NR3C2: variants seen among roughly 807,000 people sequenced by gnomAD.
The protein encoded by NR3C2 is mineralocorticoid receptor.
NR3C2 carries 15 observed loss-of-function variants against 86.4 expected under a neutral mutation model. The ratio of observed to expected loss-of-function variants is 0.17; its 90% CI spans 0.12 to 0.27. The LOEUF (loss-of-function observed/expected upper bound fraction) is 0.27, where lower values mean the gene tolerates loss of function less well. NR3C2 is among the 10% of genes least tolerant of loss of function. The probability of loss-of-function intolerance (pLI) is 1.00; values close to 1 mark genes in which losing one functional copy is unlikely to be tolerated. For missense variants in NR3C2, 960 were observed against 1,195.6 expected, an observed-to-expected ratio of 0.80 and a Z score of 2.91; for synonymous variants, 458 against 450.5, an observed-to-expected ratio of 1.02 and a Z score of -0.21.
At chr4:148,441,095 C>A (rs921794130) in intron 1 of NR3C2, among the ~76,000 whole-genome samples, 4 of 152,182 alleles carry the variant, frequency 2.6e-5, no homozygotes, top group African/African-American at 4.8e-5. Flanking sequence ...TGCCCAAGGT[C>A]ACCTGAGAGA....
At chr4:148,297,841 A>G (rs1742136539) in intron 2 of NR3C2, among the ~76,000 whole-genome samples, 2 of 151,484 alleles carry the variant, frequency 1.3e-5, no homozygotes, top group Middle Eastern at 3.2e-3. Flanking sequence ...GTGAGCTGAG[A>G]TTGCGCCATT....
At chr4:148,326,211 A>T (rs187406824) in intron 2 of NR3C2, among the ~76,000 whole-genome samples, 5 of 147,700 alleles carry the variant, frequency 3.4e-5, no homozygotes, top group African/African-American at 1.3e-4. Context: ...TAACATGGTG[A>T]AACTCTATCT....
chr4:148,335,556 G>A (rs950283174), intron 2 of NR3C2, among the ~76,000 whole-genome samples: 1 of 152,138 alleles, frequency 6.6e-6, no homozygotes, highest in Non-Finnish European at 1.5e-5. Context: ...GTACTTCAGA[G>A]TGCCCAATGT....
At chr4:148,215,483 A>T (rs1737484753) in intron 3 of NR3C2, among the ~76,000 whole-genome samples, 1 of 152,232 alleles carries the variant, frequency 6.6e-6, no homozygotes, top group Non-Finnish European at 1.5e-5. Context: ...GTGGATAAAC[A>T]GTATGGAGAA....
At chr4:148,105,239 T>A (rs1347750266) in intron 8 of NR3C2, among the ~76,000 whole-genome samples, 1 of 152,148 alleles carries the variant, frequency 6.6e-6, no homozygotes, top group Admixed American at 6.5e-5. Flanking sequence ...CAAACTACCA[T>A]CAGAGAATAC....
chr4:148,254,559 A>G (rs1443110534), intron 3 of NR3C2, among the ~76,000 whole-genome samples: 1 of 152,204 alleles, frequency 6.6e-6, no homozygotes, highest in Non-Finnish European at 1.5e-5. Context: ...CATCTGGGCA[A>G]ACATTTGCCA....
intron 3 of NR3C2, among the ~76,000 whole-genome samples, chr4:148,200,254 C>T (rs554402469): frequency 1.2e-4 from 19 of 152,184 alleles, no homozygotes; most frequent in Non-Finnish European, 2.4e-4. Flanking sequence ...TTCTGGGTTT[C>T]AGCCCCATGC....
At chr4:148,430,913 A>C (rs1749772032) in intron 2 of NR3C2, among the ~76,000 whole-genome samples, 1 of 152,198 alleles carries the variant, frequency 6.6e-6, no homozygotes, top group African/African-American at 2.4e-5. Context: ...CTATCGTGAA[A>C]AAAAATCAGC....
At chr4:148,403,638 A>G (rs1341856899) in intron 2 of NR3C2, among the ~76,000 whole-genome samples, 25 of 152,116 alleles carry the variant, frequency 1.6e-4, no homozygotes, top group Admixed American at 1.6e-3. Flanking sequence ...ATAAGGCAAT[A>G]ATATTAAGAC....
intron 6 of NR3C2, among the ~76,000 whole-genome samples, chr4:148,121,389 C>G (rs543600058): frequency 2.6e-5 from 4 of 152,320 alleles, no homozygotes; most frequent in African/African-American, 9.6e-5. Context: ...TGTCTTTCCT[C>G]TCCCCCAGTA....
chr4:148,260,305 T>C (rs953565826), intron 2 of NR3C2, among the ~76,000 whole-genome samples, 188 bp from the exon 3 acceptor site: 2 of 152,208 alleles, frequency 1.3e-5, no homozygotes, highest in Non-Finnish European at 2.9e-5. Context: ...ATCAAGGTTA[T>C]TGTGTAGCAA....
chr4:148,210,340 G>A (rs1737222240), intron 3 of NR3C2, among the ~76,000 whole-genome samples: 1 of 152,100 alleles, frequency 6.6e-6, no homozygotes, highest in Non-Finnish European at 1.5e-5. Context: ...ACAGGCGCAT[G>A]CCACCACGCT....
chr4:148,228,288 C>CACAA (rs148985665), intron 3 of NR3C2, among the ~76,000 whole-genome samples: 1 of 151,656 alleles, frequency 6.6e-6, no homozygotes, highest in Non-Finnish European at 1.5e-5. Flanking sequence ...TATACACACA[C>CACAA]ACACACACCC....
At chr4:148,183,034 A>G (rs562710070) in intron 4 of NR3C2, among the ~76,000 whole-genome samples, 2 of 152,124 alleles carry the variant, frequency 1.3e-5, no homozygotes, top group East Asian at 1.9e-4. Context: ...AAGTGTTCTC[A>G]TTGTTCAATT....
chr4:148,375,656 C>G (rs544133147), intron 2 of NR3C2, among the ~76,000 whole-genome samples: 1 of 152,010 alleles, frequency 6.6e-6, no homozygotes, highest in Non-Finnish European at 1.5e-5. Context: ...TATTTTAATA[C>G]GCATAGCAAA....
chr4:148,380,501 A>G (rs1746917322), intron 2 of NR3C2, among the ~76,000 whole-genome samples: 1 of 152,164 alleles, frequency 6.6e-6, no homozygotes, highest in African/African-American at 2.4e-5. Context: ...TTCTATATTT[A>G]AACTTTTGAG....
At position 148,179,454 on chromosome 4, in the gene NR3C2, C is replaced by A. The variant is rs1225680543; in HGVS notation, c.2014+15292G>T. Among the ~76,000 whole-genome samples, 10 of 151,676 alleles carry A rather than the reference C, an allele frequency of 6.6e-5. 1 individual carries two copies. Among genetic ancestry groups the A allele is most frequent in the Non-Finnish European group, 1.5e-5 (1 of 67,834 alleles). On this transcript the variant is annotated intron_variant, in intron 4 of 8. Transcript: ENST00000358102. ...GTATCTGTATACCCAATTTTTCCAA[C>A]ATCCCTGAATTTTATATTTAAAAAG...
At chr4:148,360,365 G>C (rs1208608776) in intron 2 of NR3C2, among the ~76,000 whole-genome samples, 1 of 152,098 alleles carries the variant, frequency 6.6e-6, no homozygotes, top group African/African-American at 2.4e-5. Context: ...CCAACTAAAA[G>C]TGGATCATAG....
intron 3 of NR3C2, among the ~76,000 whole-genome samples, chr4:148,204,241 CAAGT>C (rs1232411462): frequency 6.6e-6 from 1 of 152,086 alleles, no homozygotes; most frequent in Non-Finnish European, 1.5e-5. Flanking sequence ...TAAGAAAAAG[CAAGT>C]AAGTTACTAA....
Sources: gnomAD v4.1 joint callset for allele counts (sites outside exome capture counted in the v4.1 genomes callset) on GRCh38, gnomAD v4.1.1 for gene constraint, MANE v1.5 for transcripts, NCBI Gene and HGNC (gene_info 2026-07-23, HGNC 2026-07-21) for gene names.